The following CAMKV variants were observed in gnomAD, a reference collection of about 807,000 sequenced individuals.
CAMKV encodes CaM kinase like vesicle associated.
CAMKV carries 5 observed loss-of-function variants against 50.2 expected under a neutral mutation model. That is an observed-to-expected ratio of 0.10 (90% CI 0.05 to 0.21). The LOEUF (loss-of-function observed/expected upper bound fraction) is 0.21, where lower values mean the gene tolerates loss of function less well. CAMKV is among the 10% of genes least tolerant of loss of function. The probability of loss-of-function intolerance (pLI) is 1.00; values close to 1 mark genes in which losing one functional copy is unlikely to be tolerated. For missense variants in CAMKV, 361 were observed against 650.5 expected (o/e 0.55, Z 4.84); for synonymous variants, 229 against 250.1 (o/e 0.92, Z 0.80).
rs2082014706 is a variant in CAMKV, at chr3:49,860,909, G to T, written c.638+34C>A. 1.9e-6 allele frequency: 3 copies of T among 1,613,598 alleles called. No homozygotes were observed. The highest frequency in any genetic ancestry group is 2.5e-6 in the Non-Finnish European group (3 of 1,179,774). Reference sequence around the variant, plus strand: ...ACAGACACATGCCCCCACCCCATCTGACTGCAAGCCTGCTTGTCCATCTGT... The same window carrying T: ...ACAGACACATGCCCCCACCCCATCTTACTGCAAGCCTGCTTGTCCATCTGT... On this transcript the variant is annotated intron_variant, in intron 7 of 10. Coordinates refer to ENST00000477224, the MANE Select transcript of CAMKV (RefSeq NM_024046.5). The surrounding 1 kb of genome is among the most constrained non-coding windows in gnomAD (Gnocchi z 6.1).
intron 1 of CAMKV, among the ~76,000 whole-genome samples, chr3:49,865,404 T>G (rs1383558211): frequency 6.6e-6 from 1 of 152,222 alleles, no homozygotes; most frequent in Non-Finnish European, 1.5e-5. Flanking sequence ...GGGAGGGACC[T>G]GTGCCCTGGC....
rs1290746713 is a variant in CAMKV at position 49,861,480 on chromosome 3, C to A, written c.400G>T (p.Ala134Ser). ...ACGATCTTGAGTGAGTGCAAATAGG[C>A]CACGGCCTCCAGGACTTGCCGTACC... is the stretch of plus-strand genomic sequence containing the variant. ...NVVRQVLEAVAYLHSLKIVHR... is the reference protein window; with the variant it reads ...NVVRQVLEAVSYLHSLKIVHR... Residue 134 changes from alanine (A) to serine (S), a missense_variant, in exon 5 of 11, where the codon GCC becomes TCC. Physicochemically the swap from Ala to Ser is moderately conservative, Grantham distance 99. This residue lies in a region of CAMKV where 172 missense variants were observed against 414.3 expected (regional missense o/e 0.42). Transcript: ENST00000477224. The surrounding 1 kb of genome is among the most constrained non-coding windows in gnomAD (Gnocchi z 7.7). 6.2e-7 allele frequency: 1 copy of A among 1,614,180 alleles called. No individual in the cohort carries two copies. Among genetic ancestry groups the A allele is most frequent in the Non-Finnish European group, 8.5e-7 (1 of 1,180,038 alleles).
At chr3:49,864,519 G>T (rs960793937) in intron 1 of CAMKV, among the ~76,000 whole-genome samples, 2 of 152,062 alleles carry the variant, frequency 1.3e-5, no homozygotes, top group African/African-American at 4.8e-5. Flanking sequence ...GTGCTAGGGG[G>T]GCTGACTCCA....
chr3:49,862,525 G>A lies in CAMKV; in HGVS notation c.-14-123C>T. On this transcript the variant is annotated intron_variant, in intron 1 of 10. Coordinates refer to ENST00000477224, the MANE Select transcript of CAMKV (RefSeq NM_024046.5). The surrounding 1 kb of genome is among the most constrained non-coding windows in gnomAD (Gnocchi z 5.2). ...CTAGGGGCAGAGACCATACCAGGAG[G>A]GGCTAGAGGATAGGCAGGCTTAGAT... The A allele has an allele frequency of 1.3e-6, 1 of 784,482 alleles. No individual in the cohort carries two copies. The allele number at this position is 784,482 out of a possible 1,614,324, so 48.6% of individuals were successfully genotyped here. A position where few individuals can be genotyped will look rare whatever the true frequency, so the allele number is the denominator to read the frequency against.
chr3:49,860,333 G>A lies in CAMKV; in HGVS notation c.855-75C>T. On this transcript the variant is annotated intron_variant, in intron 9 of 10. Coordinates refer to ENST00000477224, the MANE Select transcript of CAMKV (RefSeq NM_024046.5). This position sits in a 1 kb window ranked among gnomAD's most constrained non-coding sequence, Gnocchi z 6.1. Reference sequence around the variant, plus strand: ...AGACTCTGCTCAGCCCTTCTATGTGGCATCCAGGGACTACCAGGCAGAGCC... The same window carrying A: ...AGACTCTGCTCAGCCCTTCTATGTGACATCCAGGGACTACCAGGCAGAGCC... The A allele has an allele frequency of 6.5e-6, 10 of 1,540,832 alleles. No homozygotes were observed. Among genetic ancestry groups the A allele is most frequent in the South Asian group, 1.1e-5 (1 of 89,306 alleles).
At chr3:49,866,451 A>G (rs1019374975) in intron 1 of CAMKV, among the ~76,000 whole-genome samples, 3 of 152,190 alleles carry the variant, frequency 2.0e-5, no homozygotes, top group African/African-American at 7.2e-5. Context: ...ACAGGATCTG[A>G]GCTCTTCCTC....
Position 49,859,627 on chromosome 3 carries a change from A to G in CAMKV, c.1197T>C (p.Asp399=). 6.2e-7 allele frequency: 1 copy of G among 1,614,026 alleles called. No individual in the cohort carries two copies. The highest frequency in any genetic ancestry group is 8.5e-7 in the Non-Finnish European group (1 of 1,179,972). The change falls in exon 11 of 11, where the codon GAT becomes GAC. Residue 399 remains aspartate, a synonymous_variant. Transcript: ENST00000477224. The surrounding 1 kb of genome is among the most constrained non-coding windows in gnomAD (Gnocchi z 5.5). ...ATDGSATPAT[D]GSVTPATDGS... ...CATCGGTGGCTGGGGTGACACTGCC[A>G]TCAGTGGCTGGGGTGGCACTTCCAT...
chr3:49,868,094 A>C (rs1003269910), intron 1 of CAMKV, among the ~76,000 whole-genome samples: 1 of 152,182 alleles, frequency 6.6e-6, no homozygotes, highest in South Asian at 2.1e-4. Context: ...GCAGCCCCCC[A>C]GTCAGGACAG....
At position 49,859,462 on chromosome 3, in the gene CAMKV, G is replaced by T. The variant is rs1345555068; in HGVS notation, c.1362C>A (p.Thr454=). The change falls in exon 11 of 11, where the codon ACC becomes ACA. Residue 454 remains threonine, a synonymous_variant. Transcript: ENST00000477224. The surrounding 1 kb of genome is among the most constrained non-coding windows in gnomAD (Gnocchi z 5.5). The stretch of plus-strand genomic sequence containing the variant: ...CCGGCTCAGGGGTGGCAGCTGCCTT[G>T]GTGGCCAGCATGGCACTGCTTTGGG... ...PTTQSSAMLA[T]KAAATPEPAM... 2 of 1,614,026 alleles carry T rather than the reference G, an allele frequency of 1.2e-6. No homozygotes were observed. The highest frequency in any genetic ancestry group is 1.1e-5 in the South Asian group (1 of 91,086).
chr3:49,868,632 C>T (rs927856271), intron 1 of CAMKV, among the ~76,000 whole-genome samples: 1 of 152,186 alleles, frequency 6.6e-6, no homozygotes, highest in Non-Finnish European at 1.5e-5. Flanking sequence ...CTTGCCCCAC[C>T]CTGGAAACCA....
chr3:49,862,224 A>T lies in CAMKV; in HGVS notation c.96-48T>A, dbSNP rs571758466. The T allele has an allele frequency of 1.2e-6, 2 of 1,613,838 alleles. No individual in the cohort carries two copies. Among genetic ancestry groups the T allele is most frequent in the African/African-American group, 2.7e-5 (2 of 74,940 alleles). On this transcript the variant is annotated intron_variant, in intron 2 of 10. Transcript: ENST00000477224. The surrounding 1 kb of genome is among the most constrained non-coding windows in gnomAD (Gnocchi z 5.2). ...CAGGCCTGGCCTTAGCATCAGCTGC[A>T]CTCCACTGCCACTTCCCTAGCCCCT...
intron 1 of CAMKV, among the ~76,000 whole-genome samples, chr3:49,865,257 T>C (rs2108332572): frequency 6.6e-6 from 1 of 152,240 alleles, no homozygotes; most frequent in East Asian, 1.9e-4. Context: ...AGCAGAGGCA[T>C]AGCCAGTTAC....
chr3:49,865,155 G>A (rs770827799), intron 1 of CAMKV, among the ~76,000 whole-genome samples: 1 of 152,222 alleles, frequency 6.6e-6, no homozygotes, highest in South Asian at 2.1e-4. Context: ...TTTGAAGATC[G>A]TCACTGACTG....
At chr3:49,865,506 T>C (rs1164947794) in intron 1 of CAMKV, among the ~76,000 whole-genome samples, 1 of 150,484 alleles carries the variant, frequency 6.6e-6, no homozygotes, top group African/African-American at 2.4e-5. Flanking sequence ...GCAGAGTTAT[T>C]TATAACATTA....
chr3:49,860,665 C>G lies in CAMKV; in HGVS notation c.775+51G>C, dbSNP rs1191711281. 4.3e-6 allele frequency: 7 copies of G among 1,612,352 alleles called. No individual in the cohort carries two copies. Among genetic ancestry groups the G allele is most frequent in the Non-Finnish European group, 5.1e-6 (6 of 1,178,700 alleles). ...CACAGAGGAAGATGAGAGCAGGACA[C>G]CCTCCCCACTCCCTTGCGTTCTACC... On this transcript the variant is annotated intron_variant, in intron 8 of 10. Coordinates refer to ENST00000477224, the MANE Select transcript of CAMKV (RefSeq NM_024046.5). The surrounding 1 kb of genome is among the most constrained non-coding windows in gnomAD (Gnocchi z 6.1).
At position 49,860,255 on chromosome 3, in the gene CAMKV, A is replaced by G; in HGVS notation, c.858T>C (p.Ile286=). The stretch of plus-strand genomic sequence containing the variant: ...TCTTATCAGAAGCAGCATTGCCAGA[A>G]ATCCTGGAAAGGGTGCAAGTGTGTC... The part of the protein sequence containing the change: ...TAEEAISHEW[I]SGNAASDKNI... The change falls in exon 10 of 11, where the codon ATT becomes ATC. Residue 286 remains isoleucine (I), a synonymous_variant. Coordinates refer to ENST00000477224, the MANE Select transcript of CAMKV (RefSeq NM_024046.5). This position sits in a 1 kb window ranked among gnomAD's most constrained non-coding sequence, Gnocchi z 6.1. 6.2e-7 allele frequency: 1 copy of G among 1,614,058 alleles called. No homozygotes were observed. The highest frequency in any genetic ancestry group is 8.5e-7 in the Non-Finnish European group (1 of 1,179,918).
chr3:49,860,449 C>T lies in CAMKV; in HGVS notation c.854+22G>A, dbSNP rs2082011254. 6.2e-7 allele frequency: 1 copy of T among 1,610,224 alleles called. No homozygotes were observed. The highest frequency in any genetic ancestry group is 1.3e-5 in the African/African-American group (1 of 74,932). On this transcript the variant is annotated intron_variant, in intron 9 of 10. Transcript: ENST00000477224. This position sits in a 1 kb window ranked among gnomAD's most constrained non-coding sequence, Gnocchi z 6.1. The stretch of plus-strand genomic sequence containing the variant: ...GTGAGGGGGACCCTGGCCTCTCCCA[C>T]CCTCCCCTGGACCCTGCTCACCACT...
Position 49,859,670 on chromosome 3 carries a change from C to G in CAMKV, c.1154G>C (p.Ser385Thr). The G allele has an allele frequency of 6.2e-7, 1 of 1,614,070 alleles. No homozygotes were observed. The highest frequency in any genetic ancestry group is 8.5e-7 in the Non-Finnish European group (1 of 1,179,992). Reference sequence around the variant, plus strand: ...ACTTCCATCTGTGGCTGGGGTGGCACTACGGTCTGCGGGGGCCACATTATC... The same window carrying G: ...ACTTCCATCTGTGGCTGGGGTGGCAGTACGGTCTGCGGGGGCCACATTATC... ...KSDNVAPADRSATPATDGSAT... is the reference protein window; with the variant it reads ...KSDNVAPADRTATPATDGSAT... Residue 385 changes from serine (S) to threonine (T), a missense_variant, in exon 11 of 11, where the codon AGT (serine) becomes ACT (threonine). Coordinates refer to ENST00000477224, the MANE Select transcript of CAMKV (RefSeq NM_024046.5). This position sits in a 1 kb window ranked among gnomAD's most constrained non-coding sequence, Gnocchi z 5.5.
At position 49,862,012 on chromosome 3, in the gene CAMKV, C is replaced by T; in HGVS notation, c.227+33G>A. ...CCTCTAAGCCCTTCCCTGCTGCCTC[C>T]CACCCCGCCCCAATCCCAGGCCTCA... is the stretch of plus-strand genomic sequence containing the variant. On this transcript the variant is annotated intron_variant, in intron 3 of 10. Coordinates refer to ENST00000477224, the MANE Select transcript of CAMKV (RefSeq NM_024046.5). This position sits in a 1 kb window ranked among gnomAD's most constrained non-coding sequence, Gnocchi z 5.2. 1 of 1,613,764 alleles carries T rather than the reference C, an allele frequency of 6.2e-7. No individual in the cohort carries two copies. The highest frequency in any genetic ancestry group is 8.5e-7 in the Non-Finnish European group (1 of 1,179,824).
Sources: allele counts gnomAD v4.1 joint callset (sites outside exome capture counted in the v4.1 genomes callset), GRCh38; gene constraint gnomAD v4.1.1; regional missense constraint gnomAD v4.1.1; non-coding constraint Gnocchi (gnomAD v3.1); transcripts MANE v1.5; gene names NCBI Gene and HGNC (gene_info 2026-07-23, HGNC 2026-07-21).